The following EYA1 variants were observed in gnomAD, a reference collection of about 807,000 sequenced individuals.
EYA1 encodes the protein EYA transcriptional coactivator and phosphatase 1, also known as protein phosphatase EYA1.
A neutral mutation model predicts 82.0 loss-of-function variants in EYA1; 16 were observed. The ratio of observed to expected loss-of-function variants is 0.20; its 90% CI spans 0.13 to 0.30. The LOEUF is 0.30. Among genes scored for constraint, EYA1 ranks in the 10% least tolerant of loss-of-function variants. EYA1 has a pLI of 1.00. For missense variants in EYA1, 633 were observed against 730.7 expected, an observed-to-expected ratio of 0.87 and a Z score of 1.54; for synonymous variants, 261 against 264.4, an observed-to-expected ratio of 0.99 and a Z score of 0.12.
rs117224509 is a variant in EYA1, at chr8:71,532,726, A to G, written c.33+3018T>C. Among the ~76,000 whole-genome samples, 25 of 152,322 alleles carry G rather than the reference A, an allele frequency of 1.6e-4. No individual in the cohort carries two copies. The East Asian group carries it at 4.0e-3, about 25-fold the overall frequency. ...AACCTTACTAGAAAAGGCACAATCCAGAATGCACCATTAGCAGGTGTAATT... is the reference window on the plus strand; with the variant it reads ...AACCTTACTAGAAAAGGCACAATCCGGAATGCACCATTAGCAGGTGTAATT... On this transcript the variant is annotated intron_variant, in intron 2 of 18. Transcript: ENST00000643681.
rs191197266 is a variant in EYA1 at position 71,518,384 on chromosome 8, C to T, written c.33+17360G>A. Among the ~76,000 whole-genome samples, 3 of 152,200 alleles carry T rather than the reference C, an allele frequency of 2.0e-5. No homozygotes were observed. The East Asian group carries it at 5.8e-4, about 29-fold the overall frequency. On this transcript the variant is annotated intron_variant, in intron 2 of 18. Transcript: ENST00000643681. Reference sequence around the variant, plus strand: ...ACGTCTATTTCTCCAACTTATTAGACAGCTGACATTTTTAAAATCAGAATC... The same window carrying T: ...ACGTCTATTTCTCCAACTTATTAGATAGCTGACATTTTTAAAATCAGAATC...
chr8:71,535,908 G>T, intron 1 of EYA1: 1 of 478,522 alleles, frequency 2.1e-6, no homozygotes, highest in Non-Finnish European at 3.6e-6. Flanking sequence ...TTCAGAGCTG[G>T]CCTTCACATC....
At chr8:71,414,625 G>A (rs4507795) in intron 2 of EYA1, among the ~76,000 whole-genome samples, 32,829 of 152,130 alleles carry the variant, frequency 0.22, 4,303 homozygotes, top group Non-Finnish European at 0.29. Context: ...TTCTTAGCCT[G>A]TTTTAAAATA....
intron 6 of EYA1, among the ~76,000 whole-genome samples, chr8:71,321,410 G>T (rs370641741): frequency 1.4e-4 from 22 of 152,158 alleles, no homozygotes; most frequent in Non-Finnish European, 2.4e-4. Flanking sequence ...ATTCACAGAC[G>T]TTTTATCACA....
intron 11 of EYA1, among the ~76,000 whole-genome samples, chr8:71,253,333 T>C (rs1813976748): frequency 6.6e-6 from 1 of 152,044 alleles, no homozygotes; most frequent in Non-Finnish European, 1.5e-5. Context: ...AGGAAGAAGA[T>C]AAAGAGTTTA....
At chr8:71,239,629 G>A (rs918917561) in intron 12 of EYA1, among the ~76,000 whole-genome samples, 2 of 152,180 alleles carry the variant, frequency 1.3e-5, no homozygotes, top group Admixed American at 1.3e-4. Context: ...GGGACCCTTA[G>A]GTTTGGACTG....
At chr8:71,327,958 C>T (rs558602007) in intron 4 of EYA1, among the ~76,000 whole-genome samples, 149 of 149,564 alleles carry the variant, frequency 1.0e-3, no homozygotes, top group Middle Eastern at 3.4e-3. Flanking sequence ...TGGGTTCAAG[C>T]GATTCTCCTG....
At chr8:71,504,929 G>A (rs575294260) in intron 2 of EYA1, among the ~76,000 whole-genome samples, 1 of 152,108 alleles carries the variant, frequency 6.6e-6, no homozygotes, top group Non-Finnish European at 1.5e-5. Context: ...AGCCTCCCAA[G>A]TAGCTAGGAC....
chr8:71,240,276 T>C (rs1812321801), intron 12 of EYA1, among the ~76,000 whole-genome samples: 1 of 152,000 alleles, frequency 6.6e-6, no homozygotes, highest in South Asian at 2.1e-4. Flanking sequence ...GCCTTTTTTT[T>C]TTTTTTTAAT....
intron 2 of EYA1, among the ~76,000 whole-genome samples, chr8:71,417,403 C>G (rs1830912026): frequency 1.3e-5 from 2 of 152,180 alleles, no homozygotes; most frequent in African/African-American, 4.8e-5. Context: ...AAAGTATTCA[C>G]AAGTTCTAGA....
intron 2 of EYA1, among the ~76,000 whole-genome samples, chr8:71,415,951 T>C (rs1830831051): frequency 6.6e-6 from 1 of 152,220 alleles, no homozygotes; most frequent in Non-Finnish European, 1.5e-5. Context: ...AGTGCTTAAG[T>C]ATGTCCATTT....
intron 12 of EYA1, among the ~76,000 whole-genome samples, chr8:71,219,208 G>T (rs1435089750): frequency 1.3e-5 from 2 of 152,146 alleles, no homozygotes; most frequent in Admixed American, 1.3e-4. Context: ...GACTTCATTT[G>T]AAGTATTGTT....
chr8:71,469,671 AT>A (rs1809037885), intron 2 of EYA1, among the ~76,000 whole-genome samples: 1 of 152,096 alleles, frequency 6.6e-6, no homozygotes. Context: ...GTGAATGCCC[AT>A]TAGGTGCATC....
intron 2 of EYA1, among the ~76,000 whole-genome samples, chr8:71,507,102 A>G (rs1035571065): frequency 6.6e-6 from 1 of 152,208 alleles, no homozygotes; most frequent in Non-Finnish European, 1.5e-5. Flanking sequence ...TAAACGTACT[A>G]TGTGCCAGGC....
intron 2 of EYA1, among the ~76,000 whole-genome samples, chr8:71,412,534 A>G (rs1487824995): frequency 6.6e-6 from 1 of 152,182 alleles, no homozygotes; most frequent in Non-Finnish European, 1.5e-5. Context: ...ATGCTTATGG[A>G]TAAAATAATA....
At chr8:71,335,178 A>G (rs1303669673) in intron 3 of EYA1, among the ~76,000 whole-genome samples, 3 of 152,212 alleles carry the variant, frequency 2.0e-5, no homozygotes. Flanking sequence ...GATACCTAAA[A>G]ATCATTAACA....
At chr8:71,377,757 G>T (rs941758240) in intron 2 of EYA1, among the ~76,000 whole-genome samples, 1 of 152,036 alleles carries the variant, frequency 6.6e-6, no homozygotes, top group Non-Finnish European at 1.5e-5. Flanking sequence ...CCTCTACCCA[G>T]CCCCTGGTAA....
rs532148669 is a variant in EYA1 at position 71,462,604 on chromosome 8, G to T, written c.33+73140C>A. On this transcript the variant is annotated intron_variant, in intron 2 of 18. Transcript: ENST00000643681. ...ACCCCCAGGGTGGCAGGCTCCGGGG[G>T]ATTCCTGCTTGTCCCTGGCTCCCAC... Among the ~76,000 whole-genome samples, 3 of 152,326 alleles carry T rather than the reference G, an allele frequency of 2.0e-5. No homozygotes were observed. In the South Asian group the frequency reaches 6.2e-4, roughly 32 times the overall value.
intron 7 of EYA1, among the ~76,000 whole-genome samples, chr8:71,301,923 T>TA (rs1563427431): frequency 1.3e-5 from 2 of 152,038 alleles, no homozygotes; most frequent in Admixed American, 6.6e-5. Context: ...GTTTTTTTTT[T>TA]AAACATTGTC....
Sources: allele counts gnomAD v4.1 joint callset (sites outside exome capture counted in the v4.1 genomes callset), GRCh38; gene constraint gnomAD v4.1.1; transcripts MANE v1.5; gene names NCBI Gene and HGNC (gene_info 2026-07-23, HGNC 2026-07-21).